The following TTC28 variants were observed in gnomAD, a reference collection of about 807,000 sequenced individuals.
TTC28 encodes tetratricopeptide repeat protein 28.
In TTC28, 61 loss-of-function variants were observed where a neutral mutation model predicts 198.0. The ratio of observed to expected loss-of-function variants is 0.31; its 90% confidence interval spans 0.25 to 0.38. The LOEUF is 0.38. TTC28 is among the 10% of genes least tolerant of loss of function. The probability of loss-of-function intolerance (pLI) is 1.00; values close to 1 mark genes in which losing one functional copy is unlikely to be tolerated. For missense variants in TTC28, 2,678 were observed against 3,164.0 expected, an observed-to-expected ratio of 0.85 and a Z score of 3.69; for synonymous variants, 1,171 against 1,297.8, an observed-to-expected ratio of 0.90 and a Z score of 2.10.
intron 5 of TTC28, among the ~76,000 whole-genome samples, chr22:28,166,031 A>G (rs1921894305): frequency 6.6e-6 from 1 of 152,202 alleles, no homozygotes; most frequent in Admixed American, 6.5e-5. Flanking sequence ...TTGCAATCCT[A>G]GTCTCGGGTA....
intron 12 of TTC28, 107 bp from the exon 13 acceptor site, chr22:28,030,473 C>T (rs758135575): frequency 8.2e-5 from 113 of 1,380,246 alleles, no homozygotes; most frequent in Non-Finnish European, 1.0e-4. Context: ...ACCTCTAGTA[C>T]CGTTGTCTCC....
intron 6 of TTC28, among the ~76,000 whole-genome samples, chr22:28,114,673 A>G (rs1206851260): frequency 6.7e-6 from 1 of 149,966 alleles, no homozygotes; most frequent in Non-Finnish European, 1.5e-5. Flanking sequence ...TCAATCGCCC[A>G]GGCTCAAGAG....
chr22:28,262,765 T>C (rs1466798088), intron 5 of TTC28, among the ~76,000 whole-genome samples: 1 of 152,096 alleles, frequency 6.6e-6, no homozygotes, highest in East Asian at 1.9e-4. Flanking sequence ...AGAGGGCAAA[T>C]GTGTCATCCC....
intron 6 of TTC28, among the ~76,000 whole-genome samples, chr22:28,111,039 T>C (rs1942466772): frequency 6.6e-6 from 1 of 152,134 alleles, no homozygotes; most frequent in South Asian, 2.1e-4. Context: ...CATACTTTAG[T>C]AGCATTGTGT....
At chr22:28,092,436 T>C (rs1465756182) in intron 12 of TTC28, among the ~76,000 whole-genome samples, 1 of 152,188 alleles carries the variant, frequency 6.6e-6, no homozygotes, top group Non-Finnish European at 1.5e-5. Flanking sequence ...GGCGACTGCA[T>C]GCCCACCATG....
chr22:28,634,157 T>G (rs1205058065), intron 1 of TTC28, among the ~76,000 whole-genome samples: 1 of 152,170 alleles, frequency 6.6e-6, no homozygotes, highest in Non-Finnish European at 1.5e-5. Context: ...AGCTTCTAAT[T>G]TGTCAAAATA....
intron 6 of TTC28, among the ~76,000 whole-genome samples, chr22:28,119,894 T>C (rs1474916446): frequency 6.6e-6 from 1 of 152,178 alleles, no homozygotes; most frequent in Non-Finnish European, 1.5e-5. Context: ...ATCCAATAAT[T>C]TAAGCAAAAG....
intron 2 of TTC28, among the ~76,000 whole-genome samples, chr22:28,573,827 C>T (rs753354755): frequency 6.6e-6 from 1 of 151,948 alleles, no homozygotes; most frequent in African/African-American, 2.4e-5. Flanking sequence ...TACCCTTTAA[C>T]CATTCCCACT....
At chr22:28,657,056 C>G (rs539368860) in intron 1 of TTC28, among the ~76,000 whole-genome samples, 21 of 152,286 alleles carry the variant, frequency 1.4e-4, no homozygotes, top group African/African-American at 5.1e-4. Context: ...GTATTGAATT[C>G]TTTTAATGCT....
intron 2 of TTC28, among the ~76,000 whole-genome samples, chr22:28,399,275 G>A (rs134541): frequency 0.22 from 32,785 of 149,574 alleles, 3,783 homozygotes; most frequent in Non-Finnish European, 0.25. Context: ...TCATTTCTGA[G>A]CCCTATCAAG....
At chr22:28,075,420 T>G (rs1569122651) in intron 12 of TTC28, among the ~76,000 whole-genome samples, 1 of 151,774 alleles carries the variant, frequency 6.6e-6, no homozygotes, top group Non-Finnish European at 1.5e-5. Flanking sequence ...TGAGCCTGAG[T>G]GAGTCACTTC....
intron 2 of TTC28, among the ~76,000 whole-genome samples, chr22:28,463,952 A>T (rs902371746): frequency 3.3e-5 from 5 of 151,980 alleles, no homozygotes; most frequent in African/African-American, 9.7e-5. Context: ...ATTAAAATAA[A>T]AGAAATTGCA....
intron 21 of TTC28, among the ~76,000 whole-genome samples, chr22:27,988,867 A>G (rs1016883317): frequency 2.2e-4 from 34 of 151,922 alleles, no homozygotes; most frequent in Non-Finnish European, 1.3e-4. Context: ...TCTGCCTGCC[A>G]TGGTGCTCCC....
At chr22:28,215,604 C>T (rs1927325340) in intron 5 of TTC28, among the ~76,000 whole-genome samples, 1 of 152,034 alleles carries the variant, frequency 6.6e-6, no homozygotes. Flanking sequence ...AAAGCATGCA[C>T]ACATGGTGTG....
intron 2 of TTC28, among the ~76,000 whole-genome samples, chr22:28,336,324 G>T (rs1018544634): frequency 6.6e-6 from 1 of 152,096 alleles, no homozygotes; most frequent in Admixed American, 6.6e-5. Context: ...TCCACCAGGC[G>T]TTGGTTATCA....
intron 2 of TTC28, among the ~76,000 whole-genome samples, chr22:28,334,450 T>G (rs1057315148): frequency 1.4e-4 from 22 of 152,238 alleles, no homozygotes; most frequent in Non-Finnish European, 2.1e-4. Context: ...ATGGTTGAAC[T>G]AGTTTACAAT....
chr22:28,458,184 G>A (rs2047893468), intron 2 of TTC28, among the ~76,000 whole-genome samples: 1 of 151,992 alleles, frequency 6.6e-6, no homozygotes, highest in African/African-American at 2.4e-5. Flanking sequence ...TTTAAAGTTT[G>A]ACTTCAAAAA....
chr22:28,424,445 G>C (rs900863934), intron 2 of TTC28, among the ~76,000 whole-genome samples: 3 of 152,018 alleles, frequency 2.0e-5, no homozygotes, highest in African/African-American at 7.2e-5. Context: ...TAGAATACTT[G>C]GAACATTGTA....
At chr22:28,059,108 TTCTTA>T (rs1314725899) in intron 12 of TTC28, among the ~76,000 whole-genome samples, 1 of 151,972 alleles carries the variant, frequency 6.6e-6, no homozygotes, top group Non-Finnish European at 1.5e-5. Context: ...TGGATTTCTG[TTCTTA>T]TCTTTATCAT....
Sources: gnomAD v4.1 joint callset for allele counts (sites outside exome capture counted in the v4.1 genomes callset) on GRCh38, gnomAD v4.1.1 for gene constraint, MANE v1.5 for transcripts, NCBI Gene and HGNC (gene_info 2026-07-23, HGNC 2026-07-21) for gene names.